The following ENTREP2 variants were observed in gnomAD, a reference collection of about 807,000 sequenced individuals.
ENTREP2 encodes protein ENTREP2.
chr15:29,429,327 T>G, the ENTREP2 span, among the ~76,000 whole-genome samples: 1 of 152,152 alleles, frequency 6.6e-6, no homozygotes, highest in African/African-American at 2.4e-5. Flanking sequence ...GCTCCAGCAA[T>G]CCTCCTGCCT....
the ENTREP2 span, among the ~76,000 whole-genome samples, chr15:29,414,947 AG>A: frequency 1.3e-5 from 2 of 152,202 alleles, no homozygotes; most frequent in South Asian, 4.1e-4. Context: ...AGACTAAACC[AG>A]GAAGAAGTTG....
At chr15:29,615,360 T>C in the ENTREP2 span, among the ~76,000 whole-genome samples, 1 of 152,114 alleles carries the variant, frequency 6.6e-6, no homozygotes, top group African/African-American at 2.4e-5. Context: ...TTCACCATGT[T>C]GGCCAGTCTG....
the ENTREP2 span, among the ~76,000 whole-genome samples, chr15:29,471,320 AG>A: frequency 6.6e-5 from 10 of 152,386 alleles, no homozygotes; most frequent in East Asian, 1.7e-3. Flanking sequence ...ATGTGCACAT[AG>A]AAAAAGCTCC....
the ENTREP2 span, among the ~76,000 whole-genome samples, chr15:29,327,930 A>G: frequency 6.6e-6 from 1 of 152,246 alleles, no homozygotes; most frequent in African/African-American, 2.4e-5. Context: ...TGTATGATCC[A>G]GCAATCATAT....
At chr15:29,459,568 C>G in the ENTREP2 span, among the ~76,000 whole-genome samples, 1 of 152,204 alleles carries the variant, frequency 6.6e-6, no homozygotes, top group Non-Finnish European at 1.5e-5. Context: ...TTATCGCCAA[C>G]AGCCAGTTAT....
At chr15:29,378,867 C>T in the ENTREP2 span, among the ~76,000 whole-genome samples, 1 of 152,096 alleles carries the variant, frequency 6.6e-6, no homozygotes, top group Non-Finnish European at 1.5e-5. Context: ...TTCTAAAGCA[C>T]CCTAATAGAA....
At chr15:29,407,906 T>C in the ENTREP2 span, among the ~76,000 whole-genome samples, 1 of 152,106 alleles carries the variant, frequency 6.6e-6, no homozygotes, top group East Asian at 1.9e-4. Context: ...CTCGAACTCC[T>C]GACCTCCAGG....
chr15:29,573,633 C>CTT, the ENTREP2 span, among the ~76,000 whole-genome samples: 2 of 151,612 alleles, frequency 1.3e-5, no homozygotes, highest in East Asian at 3.9e-4. Flanking sequence ...TCTCTCTTCT[C>CTT]TCTCTCTCCC....
chr15:29,445,128 A>G, the ENTREP2 span, among the ~76,000 whole-genome samples: 4 of 152,210 alleles, frequency 2.6e-5, no homozygotes, highest in Non-Finnish European at 2.9e-5. Context: ...TGATTGTATT[A>G]GGAGGTGGAG....
chr15:29,388,857 C>A, the ENTREP2 span, among the ~76,000 whole-genome samples: 1 of 150,974 alleles, frequency 6.6e-6, no homozygotes, highest in Non-Finnish European at 1.5e-5. Flanking sequence ...AGCAAACTAT[C>A]GCAAGGACAA....
chr15:29,331,022 C>T, the ENTREP2 span, among the ~76,000 whole-genome samples: 7 of 152,210 alleles, frequency 4.6e-5, no homozygotes, highest in Non-Finnish European at 8.8e-5. Context: ...GGCTCAGGGG[C>T]TGTGTCCCCA....
chr15:29,395,356 T>C, the ENTREP2 span, among the ~76,000 whole-genome samples: 1 of 152,132 alleles, frequency 6.6e-6, no homozygotes. Flanking sequence ...TTTCAATTCT[T>C]TTGGGTATGT....
the ENTREP2 span, chr15:29,268,226 T>C: frequency 6.6e-6 from 1 of 152,270 alleles, no homozygotes; most frequent in African/African-American, 2.4e-5. Context: ...AACTACGTGT[T>C]TAGCAGCAGA....
the ENTREP2 span, among the ~76,000 whole-genome samples, chr15:29,589,873 G>C: frequency 6.6e-6 from 1 of 152,172 alleles, no homozygotes; most frequent in Admixed American, 6.5e-5. Context: ...TCATCCGGAA[G>C]GTGGGGATTA....
the ENTREP2 span, among the ~76,000 whole-genome samples, chr15:29,668,176 C>T: frequency 6.6e-6 from 1 of 152,166 alleles, no homozygotes; most frequent in Non-Finnish European, 1.5e-5. Context: ...ACTCTAGCAA[C>T]AGAAGAGGGA....
At chr15:29,358,497 T>C in the ENTREP2 span, among the ~76,000 whole-genome samples, 2 of 151,954 alleles carry the variant, frequency 1.3e-5, no homozygotes, top group Non-Finnish European at 2.9e-5. Context: ...GGTCCTGGAG[T>C]GGGCAGCTTA....
the ENTREP2 span, among the ~76,000 whole-genome samples, chr15:29,553,937 TAAAC>T: frequency 1.3e-5 from 2 of 152,138 alleles, no homozygotes; most frequent in Non-Finnish European, 2.9e-5. Context: ...AACAAGATTA[TAAAC>T]AAAATAAAAC....
At chr15:29,439,289 ACACACACACAC>A in the ENTREP2 span, among the ~76,000 whole-genome samples, 197 of 98,692 alleles carry the variant, frequency 2.0e-3, 2 homozygotes, top group Middle Eastern at 9.7e-3. Context: ...GGAATTACAC[ACACACACACAC>A]ACACACACAC....
the ENTREP2 span, among the ~76,000 whole-genome samples, chr15:29,190,541 T>C: frequency 6.6e-6 from 1 of 152,090 alleles, no homozygotes; most frequent in Non-Finnish European, 1.5e-5. Flanking sequence ...TGGTTTCTGC[T>C]TTTTTCCCTG....
Sources: allele counts gnomAD v4.1 joint callset (sites outside exome capture counted in the v4.1 genomes callset), GRCh38; gene constraint gnomAD v4.1.1; transcripts MANE v1.5; gene names NCBI Gene and HGNC (gene_info 2026-07-23, HGNC 2026-07-21).